The following SCAF4 variants were observed in gnomAD, a reference collection of about 807,000 sequenced individuals.
SCAF4 encodes the protein SR-related and CTD-associated factor 4.
In SCAF4, 25 loss-of-function variants were observed where a neutral mutation model predicts 129.8. The observed-to-expected ratio is 0.19, with a 90% confidence interval of 0.14 to 0.27. The LOEUF (loss-of-function observed/expected upper bound fraction) is 0.27, where lower values mean the gene tolerates loss of function less well. Among genes scored for constraint, SCAF4 ranks in the 10% least tolerant of loss-of-function variants. The pLI, the probability that SCAF4 is intolerant of heterozygous loss-of-function variation, is 1.00. For synonymous variants in SCAF4, 551 were observed against 497.7 expected, an observed-to-expected ratio of 1.11 and a Z score of -1.43; for missense variants, 1,246 against 1,457.1, an observed-to-expected ratio of 0.86 and a Z score of 2.36.
Position 31,731,646 on chromosome 21 carries a change from C to A in SCAF4, c.30+17G>T, listed in dbSNP as rs759883715. ...CCGCAGCAGGCCCGGCACCCCCCTGCCCCAAACACCCCTTACCTCCTGGTT... is the reference window on the plus strand; with the variant it reads ...CCGCAGCAGGCCCGGCACCCCCCTGACCCAAACACCCCTTACCTCCTGGTT... On this transcript the variant is annotated intron_variant, in intron 1 of 19. Transcript: ENST00000286835. The A allele has an allele frequency of 5.0e-6, 8 of 1,589,436 alleles. No individual in the cohort carries two copies. Among genetic ancestry groups the A allele is most frequent in the Non-Finnish European group, 6.8e-6 (8 of 1,172,778 alleles).
intron 19 of SCAF4, among the ~76,000 whole-genome samples, chr21:31,678,040 C>A (rs896277985): frequency 2.6e-5 from 4 of 152,190 alleles, no homozygotes; most frequent in East Asian, 1.9e-4. Context: ...AGACCTCTCA[C>A]CACTTCTCTA....
intron 7 of SCAF4, among the ~76,000 whole-genome samples, chr21:31,699,208 C>A (rs989117757): frequency 6.6e-5 from 10 of 152,114 alleles, no homozygotes; most frequent in African/African-American, 2.4e-4. Flanking sequence ...TGAGGGAGAA[C>A]TGGCTATTTT....
At chr21:31,721,586 T>C (rs781122878) in intron 1 of SCAF4, among the ~76,000 whole-genome samples, 8 of 152,142 alleles carry the variant, frequency 5.3e-5, no homozygotes, top group Non-Finnish European at 8.8e-5. Context: ...CTATTGCTCT[T>C]TAATGCAACT....
In SCAF4 at chr21:31,690,831, T is replaced by C; in HGVS notation, c.1851A>G (p.Glu617=). The change falls in exon 15 of 20, where the codon GAA becomes GAG. Residue 617 remains glutamate, a synonymous_variant. Coordinates refer to ENST00000286835, the MANE Select transcript of SCAF4 (RefSeq NM_020706.2). The part of the protein sequence containing the change: ...VKPEELESFC[E]GGMLDSDTLN... ...GTGTGTCACTGTCCAACATTCCTCC[T>C]TCACAAAAACTCTCCAGTTCCTCAG... The C allele has an allele frequency of 6.2e-7, 1 of 1,613,644 alleles. No individual in the cohort carries two copies. The highest frequency in any genetic ancestry group is 8.5e-7 in the Non-Finnish European group (1 of 1,179,794).
chr21:31,720,572 C>G (rs1398286568), intron 1 of SCAF4, among the ~76,000 whole-genome samples: 1 of 152,186 alleles, frequency 6.6e-6, no homozygotes, highest in Admixed American at 6.5e-5. Context: ...GTGGACTAGA[C>G]TCAGATGGGC....
At chr21:31,694,049 A>G (rs2050323097) in intron 11 of SCAF4, among the ~76,000 whole-genome samples, 155 bp downstream of exon 11, 1 of 152,106 alleles carries the variant, frequency 6.6e-6, no homozygotes, top group Non-Finnish European at 1.5e-5. Flanking sequence ...TTACATCAAT[A>G]CTTCACCTGC....
At chr21:31,701,659 G>T in intron 6 of SCAF4, 117 bp downstream of exon 6, 1 of 1,096,202 alleles carries the variant, frequency 9.1e-7, no homozygotes, top group East Asian at 2.7e-5. Flanking sequence ...GGCTTTTCTA[G>T]TTGAAAAGCA....
In SCAF4 at chr21:31,671,925, G is replaced by A. The variant is rs1341088223; in HGVS notation, c.2918C>T (p.Pro973Leu). 6.2e-7 allele frequency: 1 copy of A among 1,612,256 alleles called. No homozygotes were observed. The highest frequency in any genetic ancestry group is 2.2e-5 in the East Asian group (1 of 44,842). Reference sequence around the variant, plus strand: ...CTGTGGCTGCTGCTGTGTTGGTGGAGGCTGTTGTGATGGTGGTGGCTGCTG... The same window carrying A: ...CTGTGGCTGCTGCTGTGTTGGTGGAAGCTGTTGTGATGGTGGTGGCTGCTG... ...QQQQPPPSQQPPPTQQQPQQF... is the reference protein window; with the variant it reads ...QQQQPPPSQQLPPTQQQPQQF... Residue 973 changes from proline to leucine, a missense_variant, in exon 20 of 20, where the codon CCT (proline) becomes CTT (leucine). By Grantham distance (98) the Pro-to-Leu change is moderately conservative (BLOSUM62 -3). Around this residue, in one of 6 missense-constraint regions of SCAF4, gnomAD observed 339 missense variants for 325.0 expected, o/e 1.04. Transcript: ENST00000286835.
chr21:31,695,905 C>T (rs571920749), intron 9 of SCAF4, among the ~76,000 whole-genome samples: 2 of 152,242 alleles, frequency 1.3e-5, no homozygotes, highest in Admixed American at 6.5e-5. Flanking sequence ...AAAAAAATGC[C>T]TATTATTAAA....
chr21:31,694,425 A>T, intron 10 of SCAF4, 136 bp from the exon 11 acceptor site: 1 of 580,650 alleles, frequency 1.7e-6, no homozygotes, highest in Non-Finnish European at 3.0e-6. Context: ...CCAAATTACT[A>T]GTAACAACTG....
intron 1 of SCAF4, among the ~76,000 whole-genome samples, chr21:31,723,315 G>A (rs973320177): frequency 7.9e-5 from 12 of 152,082 alleles, no homozygotes; most frequent in African/African-American, 2.7e-4. Flanking sequence ...GGCCGGGCCC[G>A]GTGGCGTGCA....
chr21:31,681,672 C>T (rs868303831), intron 19 of SCAF4, among the ~76,000 whole-genome samples: 14 of 152,162 alleles, frequency 9.2e-5, no homozygotes, highest in African/African-American at 2.9e-4. Context: ...AATTATTGCG[C>T]ATCAAGTAAT....
intron 1 of SCAF4, among the ~76,000 whole-genome samples, chr21:31,728,120 TTGCTGGTAAACTA>T (rs2051254069): frequency 6.6e-6 from 1 of 152,194 alleles, no homozygotes; most frequent in Non-Finnish European, 1.5e-5. Flanking sequence ...CCATCCCCTC[TTGCTGGTAAACTA>T]TGCTATTCTA....
intron 1 of SCAF4, among the ~76,000 whole-genome samples, chr21:31,708,193 G>C (rs2050714014): frequency 6.6e-6 from 1 of 151,998 alleles, no homozygotes; most frequent in African/African-American, 2.4e-5. Context: ...TTCGAGACCA[G>C]CCTGGCCAAC....
At chr21:31,694,674 C>G (rs2050340888) in intron 10 of SCAF4, 139 bp downstream of exon 10, 2 of 799,750 alleles carry the variant, frequency 2.5e-6, no homozygotes, top group African/African-American at 3.5e-5. Context: ...GATGAAAAAC[C>G]TGGAGCACTG....
Position 31,731,998 on chromosome 21 carries a change from G to A in SCAF4, c.-306C>T, listed in dbSNP as rs1273657629. 30 of 471,616 alleles carry A rather than the reference G, an allele frequency of 6.4e-5. No homozygotes were observed. The highest frequency in any genetic ancestry group is 4.4e-5 in the Admixed American group (1 of 22,870). The allele number at this position is 471,616 out of a possible 1,614,324, so 29.2% of individuals were successfully genotyped here. Reference sequence around the variant, plus strand: ...CTGCGCTCTGCGTCTCGCTGACACGGCCCCCCGCGCCCTCACGCACTGGCT... The same window carrying A: ...CTGCGCTCTGCGTCTCGCTGACACGACCCCCCGCGCCCTCACGCACTGGCT... On this transcript the variant is annotated 5_prime_UTR_variant, in exon 1 of 20. Coordinates refer to ENST00000286835, the MANE Select transcript of SCAF4 (RefSeq NM_020706.2).
At chr21:31,708,944 CT>C (rs2050733290) in intron 1 of SCAF4, among the ~76,000 whole-genome samples, 1 of 152,200 alleles carries the variant, frequency 6.6e-6, no homozygotes, top group Admixed American at 6.5e-5. Context: ...CCAAGGCAGT[CT>C]GGAACTTTCA....
At chr21:31,693,748 C>G (rs1218197618) in intron 11 of SCAF4, among the ~76,000 whole-genome samples, 1 of 152,074 alleles carries the variant, frequency 6.6e-6, no homozygotes, top group East Asian at 1.9e-4. Context: ...AAATTACATC[C>G]TTGTAATTTA....
intron 15 of SCAF4, among the ~76,000 whole-genome samples, chr21:31,690,253 G>A (rs1443116253): frequency 5.3e-5 from 8 of 152,124 alleles, no homozygotes; most frequent in Admixed American, 4.6e-4. Flanking sequence ...GGGAGGTCGA[G>A]GTGGGCGGAT....
Sources: allele counts gnomAD v4.1 joint callset (sites outside exome capture counted in the v4.1 genomes callset), GRCh38; gene constraint gnomAD v4.1.1; regional missense constraint gnomAD v4.1.1; transcripts MANE v1.5; gene names NCBI Gene and HGNC (gene_info 2026-07-23, HGNC 2026-07-21).